The following SCLT1 variants were observed in gnomAD, a reference collection of about 807,000 sequenced individuals.
SCLT1 encodes the protein sodium channel and clathrin linker 1, also known as sodium channel-associated protein 1.
Under a neutral mutation model 112.8 loss-of-function variants are expected in SCLT1, and 78 were observed. That is an observed-to-expected ratio of 0.69 (90% confidence interval 0.58 to 0.83). The LOEUF (loss-of-function observed/expected upper bound fraction) is 0.83, where lower values mean the gene tolerates loss of function less well. Ranked by LOEUF, SCLT1 falls within the 40% of genes least tolerant of loss-of-function variation. SCLT1 has a pLI of 0.00. For synonymous variants in SCLT1, 257 were observed against 254.7 expected, an observed-to-expected ratio of 1.01 and a Z score of -0.09; for missense variants, 747 against 770.4, an observed-to-expected ratio of 0.97 and a Z score of 0.36.
At chr4:129,092,620 C>T (rs1326900518) in intron 1 of SCLT1, among the ~76,000 whole-genome samples, 2 of 152,168 alleles carry the variant, frequency 1.3e-5, no homozygotes, top group Non-Finnish European at 2.9e-5. Flanking sequence ...AATACATTTC[C>T]CTCCCCAAAT....
chr4:129,016,734 T>C (rs1745026568), intron 5 of SCLT1, among the ~76,000 whole-genome samples: 1 of 152,218 alleles, frequency 6.6e-6, no homozygotes, highest in South Asian at 2.1e-4. Flanking sequence ...GATAGTGACA[T>C]GCAATTAGGG....
chr4:129,062,525 T>G (rs1187223137), intron 2 of SCLT1, among the ~76,000 whole-genome samples: 2 of 152,158 alleles, frequency 1.3e-5, no homozygotes, highest in Non-Finnish European at 2.9e-5. Context: ...TAATAAGTAG[T>G]ATCACTTTGC....
intron 4 of SCLT1, chr4:129,039,337 A>G (rs991515000): frequency 2.2e-5 from 8 of 362,606 alleles, no homozygotes; most frequent in East Asian, 1.5e-4. Context: ...ATGGTGAGAA[A>G]TGTTTATAAA....
At chr4:129,019,505 A>G (rs1369113263) in intron 5 of SCLT1, among the ~76,000 whole-genome samples, 2 of 152,206 alleles carry the variant, frequency 1.3e-5, no homozygotes, top group South Asian at 2.1e-4. Context: ...TTAGAATCAA[A>G]TAAGATAGAA....
chr4:128,954,861 T>C (rs1739088268), intron 13 of SCLT1, among the ~76,000 whole-genome samples: 1 of 152,142 alleles, frequency 6.6e-6, no homozygotes, highest in Non-Finnish European at 1.5e-5. Context: ...TCATAAATGT[T>C]CCTATAACAT....
chr4:129,010,279 C>T (rs927202332), intron 5 of SCLT1, among the ~76,000 whole-genome samples: 12 of 152,098 alleles, frequency 7.9e-5, no homozygotes, highest in South Asian at 6.2e-4. Flanking sequence ...TCTATGTGCC[C>T]GTTTTTGTAC....
chr4:129,029,096 A>C (rs962736782), intron 5 of SCLT1, among the ~76,000 whole-genome samples: 10 of 152,174 alleles, frequency 6.6e-5, no homozygotes, highest in African/African-American at 2.4e-4. Flanking sequence ...AAAGTAGTTC[A>C]ACCCTTGTGG....
At chr4:129,036,207 T>G (rs997404975) in intron 5 of SCLT1, among the ~76,000 whole-genome samples, 3 of 152,064 alleles carry the variant, frequency 2.0e-5, no homozygotes, top group African/African-American at 7.2e-5. Context: ...TTTAATAAAC[T>G]TAGAATCCAT....
intron 18 of SCLT1, among the ~76,000 whole-genome samples, chr4:128,927,022 AG>A (rs758265561): frequency 6.2e-4 from 95 of 152,112 alleles, no homozygotes; most frequent in Non-Finnish European, 1.1e-3. Context: ...AAGATGAGAA[AG>A]AAAAAAAGGA....
chr4:128,897,864 G>C (rs1316876542), intron 18 of SCLT1, among the ~76,000 whole-genome samples: 9 of 152,046 alleles, frequency 5.9e-5, no homozygotes, highest in Non-Finnish European at 8.8e-5. Context: ...AAAGGCAGGG[G>C]TTGCAATCCT....
intron 16 of SCLT1, among the ~76,000 whole-genome samples, chr4:128,943,441 A>T (rs1276341196): frequency 6.6e-6 from 1 of 152,170 alleles, no homozygotes; most frequent in Non-Finnish European, 1.5e-5. Flanking sequence ...AATCAATGTG[A>T]GACTTCTTTC....
intron 2 of SCLT1, among the ~76,000 whole-genome samples, chr4:129,048,703 T>C (rs1015149346): frequency 6.6e-6 from 1 of 152,006 alleles, no homozygotes; most frequent in Non-Finnish European, 1.5e-5. Context: ...ACCTACAAAA[T>C]GGGAGAAAAT....
chr4:129,025,289 C>T (rs988024475), intron 5 of SCLT1, among the ~76,000 whole-genome samples: 2 of 152,188 alleles, frequency 1.3e-5, no homozygotes, highest in African/African-American at 2.4e-5. Flanking sequence ...ATGTTAAGGG[C>T]AGCCAGAGAG....
intron 18 of SCLT1, among the ~76,000 whole-genome samples, chr4:128,916,886 G>C (rs778375909): frequency 1.3e-5 from 2 of 152,190 alleles, no homozygotes; most frequent in Non-Finnish European, 2.9e-5. Context: ...AAAGAGGCTG[G>C]TCAGTTCCTG....
rs1455793689 is a variant in SCLT1, at chr4:129,034,026, G to A, written c.290+5015C>T. Among the ~76,000 whole-genome samples the A allele has an allele frequency of 2.0e-5, 3 of 152,154 alleles. No homozygotes were observed. The East Asian group carries it at 5.8e-4, about 29-fold the overall frequency. ...CCTCAAGTAGCACCAGCAGAGTGGT[G>A]TTGACCATGTAATCCCAGAAATTTC... On this transcript the variant is annotated intron_variant, in intron 5 of 20. Coordinates refer to ENST00000281142, the MANE Select transcript of SCLT1 (RefSeq NM_144643.4).
At chr4:128,945,969 G>T in intron 16 of SCLT1, 38 bp downstream of exon 16, 1 of 1,449,866 alleles carries the variant, frequency 6.9e-7, no homozygotes, top group Non-Finnish European at 9.5e-7. Flanking sequence ...TGTGAATTCT[G>T]AAGATGTTAT....
chr4:129,043,824 G>C (rs568960515), intron 3 of SCLT1, among the ~76,000 whole-genome samples, 169 bp downstream of exon 3: 1 of 152,136 alleles, frequency 6.6e-6, no homozygotes, highest in Non-Finnish European at 1.5e-5. Context: ...GCTCCTGTCT[G>C]AGAACTAATT....
chr4:128,944,746 T>C (rs1433597869), intron 16 of SCLT1: 1 of 152,210 alleles, frequency 6.6e-6, no homozygotes, highest in Admixed American at 6.5e-5. Context: ...AAACTCTTTG[T>C]ATGTGGAGAA....
At chr4:128,979,791 G>A (rs1448760594) in intron 9 of SCLT1, among the ~76,000 whole-genome samples, 1 of 152,054 alleles carries the variant, frequency 6.6e-6, no homozygotes, top group Non-Finnish European at 1.5e-5. Context: ...ACTCTTAGAG[G>A]CAAAAGTTCT....
Sources: gnomAD v4.1 joint callset for allele counts (sites outside exome capture counted in the v4.1 genomes callset) on GRCh38, gnomAD v4.1.1 for gene constraint, MANE v1.5 for transcripts, NCBI Gene and HGNC (gene_info 2026-07-23, HGNC 2026-07-21) for gene names.